The following FBXL17 variants were observed in gnomAD, a reference collection of about 807,000 sequenced individuals.
The protein encoded by FBXL17 is F-box/LRR-repeat protein 17.
In FBXL17, 22 loss-of-function variants were observed where a neutral mutation model predicts 66.2. The ratio of observed to expected loss-of-function variants is 0.33; its 90% confidence interval spans 0.24 to 0.47. FBXL17 has a LOEUF of 0.47. FBXL17 is among the 20% of genes least tolerant of loss of function. The pLI is 1.00. For missense variants in FBXL17, 878 were observed against 948.2 expected (o/e 0.93, Z 0.97); for synonymous variants, 474 against 400.5 (o/e 1.18, Z -2.19).
intron 6 of FBXL17, among the ~76,000 whole-genome samples, chr5:108,084,698 TA>T (rs761945566): frequency 5.8e-4 from 88 of 152,210 alleles, no homozygotes; most frequent in Non-Finnish European, 1.2e-3. Flanking sequence ...ATTCTCTAAT[TA>T]AAACTAGAAA....
chr5:108,068,549 G>A (rs1240365702), intron 6 of FBXL17, among the ~76,000 whole-genome samples: 1 of 152,064 alleles, frequency 6.6e-6, no homozygotes, highest in Non-Finnish European at 1.5e-5. Context: ...TCCACCTCCC[G>A]GGTTCAAGCG....
intron 6 of FBXL17, among the ~76,000 whole-genome samples, chr5:108,094,646 A>G (rs1749304325): frequency 6.6e-6 from 1 of 152,142 alleles, no homozygotes; most frequent in Admixed American, 6.5e-5. Context: ...TGTTCCTACT[A>G]TTTTATGAAA....
At chr5:108,299,014 G>C in intron 4 of FBXL17, 1 of 978,300 alleles carries the variant, frequency 1.0e-6, no homozygotes, top group Non-Finnish European at 1.2e-6. Flanking sequence ...CTATTACCTA[G>C]CTGCCAATAT....
intron 6 of FBXL17, among the ~76,000 whole-genome samples, chr5:108,091,793 G>C (rs1749196564): frequency 6.6e-6 from 1 of 152,144 alleles, no homozygotes. Context: ...CCTTAAATTT[G>C]CATTTTGCTT....
chr5:108,211,595 G>C (rs953705807), intron 5 of FBXL17, among the ~76,000 whole-genome samples: 1 of 152,132 alleles, frequency 6.6e-6, no homozygotes, highest in South Asian at 2.1e-4. Context: ...AGCTTAGTTT[G>C]GCTGGATATG....
chr5:108,264,574 T>C (rs1317402195), intron 4 of FBXL17, among the ~76,000 whole-genome samples: 1 of 152,138 alleles, frequency 6.6e-6, no homozygotes, highest in Non-Finnish European at 1.5e-5. Flanking sequence ...AGGCTTAAAA[T>C]GAAAATAGAT....
At chr5:108,111,103 T>C (rs558231096) in intron 6 of FBXL17, among the ~76,000 whole-genome samples, 5 of 152,202 alleles carry the variant, frequency 3.3e-5, no homozygotes, top group African/African-American at 1.2e-4. Context: ...AGCAATCACA[T>C]TTCTCACTGT....
At chr5:107,880,808 T>G in intron 8 of FBXL17, 1 of 1,352,336 alleles carries the variant, frequency 7.4e-7, no homozygotes, top group Non-Finnish European at 9.5e-7. Flanking sequence ...ACTTTTTCTT[T>G]CTACTTAAGC....
intron 4 of FBXL17, among the ~76,000 whole-genome samples, chr5:108,293,328 A>G (rs1366195979): frequency 6.6e-6 from 1 of 152,194 alleles, no homozygotes; most frequent in Non-Finnish European, 1.5e-5. Flanking sequence ...TTCACAAGAA[A>G]CTACTGAAAG....
rs905272313 is a variant in FBXL17 at position 107,928,165 on chromosome 5, G to C, written c.1823-46986C>G. On this transcript the variant is annotated intron_variant, in intron 7 of 8. Coordinates refer to ENST00000542267, the MANE Select transcript of FBXL17 (RefSeq NM_001163315.3). ...CCAGTATATCTTAAAATCTGGTAAA[G>C]AGAAGCAGCATGTAGAAACACACAA... Among the ~76,000 whole-genome samples, 9 of 151,998 alleles carry C rather than the reference G, an allele frequency of 5.9e-5. 1 individual carries two copies. The highest frequency in any genetic ancestry group is 3.9e-4 in the Admixed American group (6 of 15,242).
intron 7 of FBXL17, among the ~76,000 whole-genome samples, chr5:107,970,875 T>C (rs1580265950): frequency 6.6e-6 from 1 of 152,114 alleles, no homozygotes; most frequent in Non-Finnish European, 1.5e-5. Context: ...CAGAGAAAAA[T>C]GTTGCTCTGG....
At chr5:108,016,489 T>TA (rs1754391560) in intron 7 of FBXL17, among the ~76,000 whole-genome samples, 1 of 152,156 alleles carries the variant, frequency 6.6e-6, no homozygotes, top group African/African-American at 2.4e-5. Flanking sequence ...ACAGGAGTGC[T>TA]AAAGTGAAAA....
intron 7 of FBXL17, among the ~76,000 whole-genome samples, chr5:107,956,198 A>G (rs1202486052): frequency 1.3e-5 from 2 of 152,244 alleles, no homozygotes; most frequent in Non-Finnish European, 2.9e-5. Flanking sequence ...GATAATAGAA[A>G]TAATTTTATT....
At chr5:107,917,541 G>C (rs73780457) in intron 7 of FBXL17, among the ~76,000 whole-genome samples, 1 of 152,182 alleles carries the variant, frequency 6.6e-6, no homozygotes, top group South Asian at 2.1e-4. Context: ...GCTAAGCACA[G>C]AACCGAATAA....
At chr5:107,934,824 G>T (rs998088505) in intron 7 of FBXL17, among the ~76,000 whole-genome samples, 3 of 152,212 alleles carry the variant, frequency 2.0e-5, no homozygotes, top group African/African-American at 7.2e-5. Flanking sequence ...TTGAACTACT[G>T]CCCTAATGAC....
chr5:107,876,811 G>A (rs1220074791), intron 8 of FBXL17, among the ~76,000 whole-genome samples: 5 of 152,146 alleles, frequency 3.3e-5, no homozygotes, highest in Admixed American at 6.5e-5. Context: ...AGAGAATCTA[G>A]AATTCACTGA....
chr5:108,138,693 T>C (rs1402187590), intron 6 of FBXL17, among the ~76,000 whole-genome samples: 2 of 152,228 alleles, frequency 1.3e-5, no homozygotes, highest in Admixed American at 1.3e-4. Flanking sequence ...TTACTACTGA[T>C]TTAGTGTGCA....
chr5:107,919,082 T>C (rs768617939), intron 7 of FBXL17, among the ~76,000 whole-genome samples: 2 of 152,140 alleles, frequency 1.3e-5, no homozygotes, highest in Non-Finnish European at 2.9e-5. Context: ...ATATTACCAG[T>C]ATCATGTTCT....
chr5:108,376,856 G>A (rs1749462244), intron 1 of FBXL17, among the ~76,000 whole-genome samples: 2 of 146,790 alleles, frequency 1.4e-5, no homozygotes, highest in South Asian at 2.2e-4. Flanking sequence ...GTGTGATCTC[G>A]GCTCACTGCA....
Sources: allele counts gnomAD v4.1 joint callset (sites outside exome capture counted in the v4.1 genomes callset), GRCh38; gene constraint gnomAD v4.1.1; transcripts MANE v1.5; gene names NCBI Gene and HGNC (gene_info 2026-07-23, HGNC 2026-07-21).